The following CFAP54 variants were observed in gnomAD, a reference collection of about 807,000 sequenced individuals.
CFAP54 encodes cilia- and flagella-associated protein 54.
Under a neutral mutation model 370.4 loss-of-function variants are expected in CFAP54, and 290 were observed. That is an observed-to-expected ratio of 0.78 (90% confidence interval 0.71 to 0.86). CFAP54 has a LOEUF of 0.86. CFAP54 is among the 40% of genes least tolerant of loss of function. The probability of loss-of-function intolerance (pLI) is 0.00; values close to 1 mark genes in which losing one functional copy is unlikely to be tolerated. For missense variants in CFAP54, 3,399 were observed against 3,528.7 expected (o/e 0.96, Z 0.93); for synonymous variants, 1,206 against 1,236.5 (o/e 0.98, Z 0.52).
chr12:96,708,779 A>G lies in CFAP54; in HGVS notation c.6700A>G (p.Lys2234Glu). ...TAAGACAGTAATTACCAACAAGAGC[A>G]AACCAAACCTACCAAACTTGGAAGG... The part of the protein sequence containing the change: ...KFKTVITNKS[K>E]PNLPNLEEIY... The change falls in exon 48 of 68, where the codon AAA becomes GAA. Residue 2234 changes from lysine to glutamate, a missense_variant. By Grantham distance (56) the Lys-to-Glu change is moderately conservative (BLOSUM62 1). This residue lies in a region of CFAP54 where 2,796 missense variants were observed against 2,869.7 expected (regional missense o/e 0.97). Transcript: ENST00000524981. The G allele has an allele frequency of 6.3e-7, 1 of 1,597,476 alleles. No individual in the cohort carries two copies. The highest frequency in any genetic ancestry group is 8.5e-7 in the Non-Finnish European group (1 of 1,172,672).
chr12:96,772,648 AAT>A (rs1958475065), intron 60 of CFAP54, among the ~76,000 whole-genome samples: 2 of 136,688 alleles, frequency 1.5e-5, no homozygotes, highest in African/African-American at 7.0e-5. Flanking sequence ...GCTGGAGTGC[AAT>A]GGCATACTGC....
At position 96,792,355 on chromosome 12, in the gene CFAP54, C is replaced by T. The variant is rs1958709019; in HGVS notation, c.8706C>T (p.Ser2902=). 1 of 1,534,384 alleles carries T rather than the reference C, an allele frequency of 6.5e-7. No individual in the cohort carries two copies. Among genetic ancestry groups the T allele is most frequent in the Non-Finnish European group, 8.7e-7 (1 of 1,146,166 alleles). The change falls in exon 63 of 68, where the codon TCC becomes TCT. Residue 2902 remains serine (S), a synonymous_variant. Coordinates refer to ENST00000524981, the MANE Select transcript of CFAP54 (RefSeq NM_001306084.2). ...AKLYRDSSVQ[S]ILSFKPVSGS... The stretch of plus-strand genomic sequence containing the variant: ...TGTATCGCGATAGTTCTGTACAATC[C>T]ATTTTATCTTTTAAGCCTGTTTCAG...
rs1483037334 is a variant in CFAP54 at position 96,727,924 on chromosome 12, C to G, written c.6965+7359C>G. The stretch of plus-strand genomic sequence containing the variant: ...TTGTCTGTAAAGGATTTTATTTCTC[C>G]TTCACTTATGAAGCTTAGTTTGGCT... On this transcript the variant is annotated intron_variant, in intron 50 of 67. Coordinates refer to ENST00000524981, the MANE Select transcript of CFAP54 (RefSeq NM_001306084.2). Among the ~76,000 whole-genome samples the G allele has an allele frequency of 1.1e-4, 17 of 151,506 alleles. 1 individual carries two copies. The highest frequency in any genetic ancestry group is 1.1e-3 in the Admixed American group (17 of 15,198).
At chr12:96,738,812 G>A (rs539498966) in intron 50 of CFAP54, among the ~76,000 whole-genome samples, 5 of 152,008 alleles carry the variant, frequency 3.3e-5, no homozygotes, top group African/African-American at 7.2e-5. Context: ...GGGTTTCACC[G>A]TGTTAGCCAG....
chr12:96,536,125 A>G (rs1373425988), intron 12 of CFAP54, among the ~76,000 whole-genome samples: 1 of 152,200 alleles, frequency 6.6e-6, no homozygotes, highest in Admixed American at 6.5e-5. Flanking sequence ...CATGTGCAGG[A>G]CATGCAGGTT....
chr12:96,676,009 G>A (rs1264508539), intron 39 of CFAP54, among the ~76,000 whole-genome samples: 1 of 151,994 alleles, frequency 6.6e-6, no homozygotes, highest in South Asian at 2.1e-4. Context: ...AGTGGGTGCA[G>A]CACACCACCA....
At chr12:96,727,270 G>A (rs1459259681) in intron 50 of CFAP54, among the ~76,000 whole-genome samples, 1 of 152,152 alleles carries the variant, frequency 6.6e-6, no homozygotes, top group Non-Finnish European at 1.5e-5. Context: ...AATGTTGACA[G>A]TGAGATGTTA....
At chr12:96,829,126 C>A in intron 66 of CFAP54, 38 bp downstream of exon 66, 2 of 1,157,164 alleles carry the variant, frequency 1.7e-6, no homozygotes, top group South Asian at 1.4e-5. Flanking sequence ...CTAATTCACT[C>A]ACAAGTATTA....
intron 66 of CFAP54, among the ~76,000 whole-genome samples, chr12:96,856,489 A>G (rs993649429): frequency 1.3e-5 from 2 of 152,192 alleles, no homozygotes; most frequent in Admixed American, 6.5e-5. Flanking sequence ...TGAAGTTCAG[A>G]GTTCCACAGA....
At chr12:96,517,269 C>T (rs1176240665) in intron 5 of CFAP54, among the ~76,000 whole-genome samples, 1 of 152,112 alleles carries the variant, frequency 6.6e-6, no homozygotes, top group African/African-American at 2.4e-5. Flanking sequence ...TGAGTTTCAG[C>T]CCCAGCTCTT....
intron 1 of CFAP54, among the ~76,000 whole-genome samples, chr12:96,500,232 T>C (rs1469938963): frequency 1.3e-5 from 2 of 152,192 alleles, no homozygotes; most frequent in Non-Finnish European, 2.9e-5. Flanking sequence ...ATTCCAACTA[T>C]GACATTTTGG....
chr12:96,526,145 G>A (rs536300398), intron 8 of CFAP54, among the ~76,000 whole-genome samples: 1 of 152,312 alleles, frequency 6.6e-6, no homozygotes, highest in East Asian at 1.9e-4. Context: ...AGAAATAAAA[G>A]CAAGGGAATT....
chr12:96,762,451 T>A (rs1354870935), intron 58 of CFAP54, among the ~76,000 whole-genome samples: 5 of 152,176 alleles, frequency 3.3e-5, no homozygotes, highest in Admixed American at 3.3e-4. Context: ...ACCTAGAATC[T>A]CCTGTGCAAT....
chr12:96,630,010 T>G (rs547486473), intron 30 of CFAP54, 83 bp from the exon 31 acceptor site: 36 of 568,136 alleles, frequency 6.3e-5, no homozygotes, highest in Non-Finnish European at 1.0e-4. Flanking sequence ...ATACTTTCAG[T>G]GAAAACTTTA....
chr12:96,833,581 A>G (rs1247158614), intron 66 of CFAP54, among the ~76,000 whole-genome samples: 1 of 151,596 alleles, frequency 6.6e-6, no homozygotes, highest in African/African-American at 2.4e-5. Flanking sequence ...ATCAGTATGG[A>G]GAGGAGGTTC....
chr12:96,786,710 G>C lies in CFAP54; in HGVS notation c.8491G>C (p.Asp2831His), dbSNP rs926826201. ...ACCAGTATCTGGAATTTCTTTGCCA[G>C]ATGATACACTTCTCACATCCCTTTA... ...ATPVSGISLPDDTLLTSLYNS... is the reference protein window; with the variant it reads ...ATPVSGISLPHDTLLTSLYNS... Residue 2831 changes from aspartate (D) to histidine (H), a missense_variant, in exon 62 of 68, where the codon GAT (aspartate) becomes CAT (histidine). Asp to His is a moderately conservative substitution (Grantham distance 81, BLOSUM62 -1). Transcript: ENST00000524981. The C allele has an allele frequency of 7.2e-6, 11 of 1,535,196 alleles. No homozygotes were observed. In the Admixed American group the frequency reaches 2.2e-4, roughly 30 times the overall value.
At chr12:96,660,822 C>T (rs1054677713) in intron 38 of CFAP54, among the ~76,000 whole-genome samples, 2 of 152,128 alleles carry the variant, frequency 1.3e-5, no homozygotes, top group Non-Finnish European at 2.9e-5. Context: ...GTGCTTCTGA[C>T]TGACAGGTGA....
At chr12:96,711,594 G>A (rs1243401437) in intron 48 of CFAP54, among the ~76,000 whole-genome samples, 3 of 152,316 alleles carry the variant, frequency 2.0e-5, no homozygotes, top group Admixed American at 6.5e-5. Context: ...GGGAAGAGAA[G>A]TAGTCATCTT....
At chr12:96,844,486 C>T (rs938193007) in intron 66 of CFAP54, among the ~76,000 whole-genome samples, 3 of 152,116 alleles carry the variant, frequency 2.0e-5, no homozygotes, top group Non-Finnish European at 4.4e-5. Flanking sequence ...GACTTTAGCC[C>T]AGGGAAATGA....
Sources: allele counts gnomAD v4.1 joint callset (sites outside exome capture counted in the v4.1 genomes callset), GRCh38; gene constraint gnomAD v4.1.1; regional missense constraint gnomAD v4.1.1; transcripts MANE v1.5; gene names NCBI Gene and HGNC (gene_info 2026-07-23, HGNC 2026-07-21).